The following OR5K1 variants were observed in gnomAD, a reference collection of about 807,000 sequenced individuals.
OR5K1 encodes olfactory receptor family 5 subfamily K member 1.
A neutral mutation model predicts 10.4 loss-of-function variants in OR5K1; 7 were observed. The observed-to-expected ratio is 0.67, with a 90% CI of 0.38 to 1.26. The LOEUF is 1.26. Ranked by LOEUF, OR5K1 falls within the 50% of genes most tolerant of loss-of-function variation. OR5K1 has a pLI of 0.02. For missense variants in OR5K1, 435 were observed against 366.2 expected (o/e 1.19, Z -1.53); for synonymous variants, 135 against 128.5 (o/e 1.05, Z -0.34).
rs769166885 is a variant in OR5K1 at position 98,469,734 on chromosome 3, G to A, written c.158G>A (p.Arg53His). ...ISLVALIFTH[R>H]RLHTPMYIFL... ...TTGGTGGCACTGATATTTACACACC[G>A]TCGGCTTCACACACCAATGTACATC... Residue 53 changes from arginine (R) to histidine (H), a missense_variant, in exon 2 of 2, where the codon CGT becomes CAT. Arg to His is a conservative substitution (Grantham distance 29, BLOSUM62 0). Transcript: ENST00000642057. 6.4e-5 allele frequency: 104 copies of A among 1,613,782 alleles called. No homozygotes were observed. Among genetic ancestry groups the A allele is most frequent in the Admixed American group, 1.8e-4 (11 of 59,964 alleles).
intron 1 of OR5K1, 102 bp from the exon 2 acceptor site, chr3:98,469,464 G>A (rs1705414178): frequency 1.6e-5 from 18 of 1,128,522 alleles, no homozygotes; most frequent in Non-Finnish European, 2.3e-5. Context: ...GCAACATGAG[G>A]AAACATTGTG....
chr3:98,471,009 T>A lies in OR5K1; in HGVS notation c.*506T>A, dbSNP rs891924996. On this transcript the variant is annotated 3_prime_UTR_variant, in exon 2 of 2. Coordinates refer to ENST00000642057, the MANE Select transcript of OR5K1 (RefSeq NM_001004736.4). ...CAAGCGAATTTTGAGAAATCAATTT[T>A]AATAGCATTATGGGGACATTACTGT... The A allele has an allele frequency of 4.6e-5, 7 of 152,352 alleles. No homozygotes were observed. The highest frequency in any genetic ancestry group is 2.6e-4 in the Admixed American group (4 of 15,244). The allele number at this position is 152,352 out of a possible 1,614,324, so 9.4% of individuals were successfully genotyped here. A position where few individuals can be genotyped will look rare whatever the true frequency, so the allele number is the denominator to read the frequency against.
chr3:98,469,409 T>A, intron 1 of OR5K1, 157 bp from the exon 2 acceptor site: 3 of 650,290 alleles, frequency 4.6e-6, no homozygotes, highest in Non-Finnish European at 5.2e-6. Context: ...AATTCCTTTA[T>A]GGAAATTCAT....
intron 1 of OR5K1, among the ~76,000 whole-genome samples, chr3:98,464,159 G>C (rs984729214): frequency 6.6e-6 from 1 of 152,086 alleles, no homozygotes; most frequent in South Asian, 2.1e-4. Flanking sequence ...GGTAGGCAGA[G>C]GCAGGAGAAT....
intron 1 of OR5K1, among the ~76,000 whole-genome samples, chr3:98,467,981 T>C (rs1225350074): frequency 6.6e-6 from 1 of 152,072 alleles, no homozygotes; most frequent in East Asian, 1.9e-4. Context: ...CTTGTGCCAG[T>C]TTTCAAAGGG....
intron 1 of OR5K1, among the ~76,000 whole-genome samples, chr3:98,468,834 T>C (rs1375562629): frequency 6.6e-6 from 1 of 152,152 alleles, no homozygotes; most frequent in Non-Finnish European, 1.5e-5. Context: ...TATATATTCA[T>C]TGAAATTTTG....
intron 1 of OR5K1, among the ~76,000 whole-genome samples, chr3:98,467,039 C>G (rs930189401): frequency 9.1e-6 from 1 of 109,968 alleles, no homozygotes; most frequent in African/African-American, 4.5e-5. Flanking sequence ...TTAGGTCTAA[C>G]GTTTAAATCT....
Position 98,471,360 on chromosome 3 carries a change from A to C in OR5K1, c.*857A>C, listed in dbSNP as rs1705444816. ...CTACCCTGGGTATATTATATATAGA[A>C]ATGTAAAACATAGTGTTGTTAAACT... On this transcript the variant is annotated 3_prime_UTR_variant, in exon 2 of 2. Transcript: ENST00000642057. 6.6e-6 allele frequency: 1 copy of C among 151,976 alleles called. No homozygotes were observed. Among genetic ancestry groups the C allele is most frequent in the African/African-American group, 2.4e-5 (1 of 41,424 alleles). 9.4% of individuals were successfully genotyped at this position (151,976 alleles called of 1,614,324 possible).
At chr3:98,464,519 C>T (rs1319027099) in intron 1 of OR5K1, among the ~76,000 whole-genome samples, 1 of 152,030 alleles carries the variant, frequency 6.6e-6, no homozygotes. Flanking sequence ...ACTATCAGTT[C>T]AATTAATACA....
Position 98,470,015 on chromosome 3 carries a change from G to A in OR5K1, c.439G>A (p.Gly147Arg), listed in dbSNP as rs776451566. Residue 147 changes from glycine to arginine, a missense_variant, in exon 2 of 2, where the codon GGG becomes AGG. Transcript: ENST00000642057. ...SKKLCIQMTT[G>R]AFIAGNLHSM... The stretch of plus-strand genomic sequence containing the variant: ...GAAACTCTGCATTCAGATGACCACA[G>A]GGGCCTTCATAGCTGGAAACCTGCA... The A allele has an allele frequency of 1.2e-6, 2 of 1,613,554 alleles. No homozygotes were observed. Among genetic ancestry groups the A allele is most frequent in the South Asian group, 1.1e-5 (1 of 91,084 alleles).
intron 1 of OR5K1, among the ~76,000 whole-genome samples, chr3:98,464,336 A>T (rs1382110199): frequency 6.6e-6 from 1 of 152,206 alleles, no homozygotes; most frequent in Non-Finnish European, 1.5e-5. Context: ...ATACCTTCAG[A>T]AACCAAAAAG....
intron 1 of OR5K1, among the ~76,000 whole-genome samples, chr3:98,467,979 A>T (rs910135105): frequency 2.0e-5 from 3 of 152,060 alleles, no homozygotes; most frequent in Non-Finnish European, 4.4e-5. Context: ...ATCTTGTGCC[A>T]GTTTTCAAAG....
rs9835635 is a variant in OR5K1, at chr3:98,471,601, C to T, written c.*1098C>T. On this transcript the variant is annotated 3_prime_UTR_variant, in exon 2 of 2. Coordinates refer to ENST00000642057, the MANE Select transcript of OR5K1 (RefSeq NM_001004736.4). The stretch of plus-strand genomic sequence containing the variant: ...AAAAATGCCAGTTTTTCCATCTTCT[C>T]GAAGAATAGAATATTGCCACAATTT... The T allele has an allele frequency of 1.3e-5, 2 of 151,880 alleles. No individual in the cohort carries two copies. The highest frequency in any genetic ancestry group is 2.9e-5 in the Non-Finnish European group (2 of 67,918). The allele number at this position is 151,880 out of a possible 1,614,324, so 9.4% of individuals were successfully genotyped here. A position where few individuals can be genotyped will look rare whatever the true frequency, so the allele number is the denominator to read the frequency against.
rs1235888339 is a variant in OR5K1 at position 98,470,453 on chromosome 3, A to G, written c.877A>G (p.Arg293Gly). ...ACTAAATCCTTTCATTTATAGCCTG[A>G]GAAATAGGGAAGTAATAAGTGTCTT... ...PLLNPFIYSL[R>G]NREVISVLRK... is the part of the protein sequence containing the mutation. Residue 293 changes from arginine (R) to glycine (G), a missense_variant, in exon 2 of 2, where the codon AGA (arginine) becomes GGA (glycine). Physicochemically the swap from Arg to Gly is moderately radical, Grantham distance 125. Coordinates refer to ENST00000642057, the MANE Select transcript of OR5K1 (RefSeq NM_001004736.4). The G allele has an allele frequency of 6.3e-7, 1 of 1,590,512 alleles. No individual in the cohort carries two copies. Among genetic ancestry groups the G allele is most frequent in the Admixed American group, 1.7e-5 (1 of 58,954 alleles).
Position 98,471,408 on chromosome 3 carries a change from T to G in OR5K1, c.*905T>G, listed in dbSNP as rs897803695. 2 of 152,010 alleles carry G rather than the reference T, an allele frequency of 1.3e-5. No individual in the cohort carries two copies. The highest frequency in any genetic ancestry group is 4.8e-5 in the African/African-American group (2 of 41,420). The allele number at this position is 152,010 out of a possible 1,614,324, so 9.4% of individuals were successfully genotyped here. ...ACTGTAGGTAGAGTTTATCTAATTT[T>G]TTTTTCTTTTCACTATTGCAAAACC... On this transcript the variant is annotated 3_prime_UTR_variant, in exon 2 of 2. Coordinates refer to ENST00000642057, the MANE Select transcript of OR5K1 (RefSeq NM_001004736.4).
rs1705445253 is a variant in OR5K1, at chr3:98,471,395, GTT to G, written c.*894_*895del. On this transcript the variant is annotated 3_prime_UTR_variant, in exon 2 of 2. Coordinates refer to ENST00000642057, the MANE Select transcript of OR5K1 (RefSeq NM_001004736.4). ...ATAGTGTTGTTAAACTGTAGGTAGAGTTTATCTAATTTTTTTTTCTTTTCACT... is the reference window on the plus strand; with the variant it reads ...ATAGTGTTGTTAAACTGTAGGTAGAGTATCTAATTTTTTTTTCTTTTCACT... 1 of 150,966 alleles carries G rather than the reference GTT, an allele frequency of 6.6e-6. No homozygotes were observed. Among genetic ancestry groups the G allele is most frequent in the African/African-American group, 2.4e-5 (1 of 41,342 alleles). The allele number at this position is 150,966 out of a possible 1,614,324, so 9.4% of individuals were successfully genotyped here.
chr3:98,470,269 A>G lies in OR5K1; in HGVS notation c.693A>G (p.Lys231=), dbSNP rs1705430472. Residue 231 remains lysine, a synonymous_variant, in exon 2 of 2, where the codon AAA becomes AAG. Transcript: ENST00000642057. The part of the protein sequence containing the change: ...ILLTIFKMKS[K]EGRAKAFSTC... ...TTACTATTTTCAAAATGAAATCCAA[A>G]GAGGGAAGGGCCAAAGCTTTTTCTA... 2.5e-6 allele frequency: 4 copies of G among 1,613,290 alleles called. No homozygotes were observed. Among genetic ancestry groups the G allele is most frequent in the East Asian group, 4.5e-5 (2 of 44,852 alleles).
chr3:98,469,077 A>G (rs1320862601), intron 1 of OR5K1, among the ~76,000 whole-genome samples: 1 of 152,142 alleles, frequency 6.6e-6, no homozygotes. Flanking sequence ...TGTGGTACAT[A>G]CACAGCATGG....
chr3:98,470,758 T>C lies in OR5K1; in HGVS notation c.*255T>C. 1 of 248,336 alleles carries C rather than the reference T, an allele frequency of 4.0e-6. No individual in the cohort carries two copies. The highest frequency in any genetic ancestry group is 7.7e-6 in the Non-Finnish European group (1 of 130,628). The allele number at this position is 248,336 out of a possible 1,614,324, so 15.4% of individuals were successfully genotyped here. A position where few individuals can be genotyped will look rare whatever the true frequency, so the allele number is the denominator to read the frequency against. ...CTCATTCAAGTAACAATGTAGTATGTTGTCAAGCTCTTGGTCTGTGTTGGC... is the reference window on the plus strand; with the variant it reads ...CTCATTCAAGTAACAATGTAGTATGCTGTCAAGCTCTTGGTCTGTGTTGGC... On this transcript the variant is annotated 3_prime_UTR_variant, in exon 2 of 2. Coordinates refer to ENST00000642057, the MANE Select transcript of OR5K1 (RefSeq NM_001004736.4).
Sources: allele counts gnomAD v4.1 joint callset (sites outside exome capture counted in the v4.1 genomes callset), GRCh38; gene constraint gnomAD v4.1.1; transcripts MANE v1.5; gene names NCBI Gene and HGNC (gene_info 2026-07-23, HGNC 2026-07-21).